DAB1: variants seen among roughly 807,000 people sequenced by gnomAD.
DAB1 encodes DAB adaptor protein 1.
Under a neutral mutation model 64.6 loss-of-function variants are expected in DAB1, and 15 were observed. The observed-to-expected ratio is 0.23, with a 90% CI of 0.16 to 0.36. The LOEUF is 0.36. Ranked by LOEUF, DAB1 falls within the 10% of genes least tolerant of loss-of-function variation. DAB1 has a pLI of 1.00. For synonymous variants in DAB1, 235 were observed against 251.9 expected, an observed-to-expected ratio of 0.93 and a Z score of 0.64; for missense variants, 596 against 706.7, an observed-to-expected ratio of 0.84 and a Z score of 1.78.
rs74074540 is a variant in DAB1 at position 57,855,222 on chromosome 1, C to A, written n.88-28767G>T. ...GTGAGGTAGTGGTAGCAAGAAGTAA[C>A]CAATTCTCAACTCAACACATGATGC... is the stretch of plus-strand genomic sequence containing the variant. On this transcript the variant is annotated intron_variant and non_coding_transcript_variant, in intron 1 of 1. Coordinates refer to the DAB1 transcript ENST00000477280. Among the ~76,000 whole-genome samples the A allele has an allele frequency of 5.6e-3, 856 of 152,190 alleles. 4 individuals are homozygous for A. Among genetic ancestry groups the A allele is most frequent in the African/African-American group, 0.02 (819 of 41,516 alleles).
At chr1:57,715,221 T>C (rs1478284894) in intron 6 of DAB1, among the ~76,000 whole-genome samples, 1 of 152,186 alleles carries the variant, frequency 6.6e-6, no homozygotes, top group Non-Finnish European at 1.5e-5. Flanking sequence ...TTTGGTAGAA[T>C]TCAGCATTGC....
At chr1:57,385,344 G>A (rs1315070764) in intron 1 of DAB1, among the ~76,000 whole-genome samples, 3 of 152,166 alleles carry the variant, frequency 2.0e-5, no homozygotes, top group Admixed American at 2.0e-4. Flanking sequence ...GAACTTCATA[G>A]GCATATGCAT....
chr1:57,912,938 A>C (rs2102011090), intron 5 of DAB1, among the ~76,000 whole-genome samples: 1 of 152,300 alleles, frequency 6.6e-6, no homozygotes, highest in South Asian at 2.1e-4. Context: ...TCAACGAAAT[A>C]AAAGAGGATA....
At chr1:57,726,458 C>CT (rs1406781573) in intron 6 of DAB1, among the ~76,000 whole-genome samples, 2 of 152,010 alleles carry the variant, frequency 1.3e-5, no homozygotes, top group Non-Finnish European at 2.9e-5. Flanking sequence ...TAAACTAGTT[C>CT]TACATGATGG....
intron 3 of DAB1, among the ~76,000 whole-genome samples, chr1:58,385,645 T>A (rs1644426902): frequency 6.6e-6 from 1 of 152,248 alleles, no homozygotes; most frequent in South Asian, 2.1e-4. Context: ...ACTTTCATTA[T>A]CCATTTTATC....
intron 4 of DAB1, among the ~76,000 whole-genome samples, chr1:58,178,549 A>G (rs1197137177): frequency 6.6e-6 from 1 of 152,228 alleles, no homozygotes; most frequent in African/African-American, 2.4e-5. Flanking sequence ...CCAGTGCTCA[A>G]CAAAGGATGG....
intron 1 of DAB1, chr1:58,536,872 G>T: frequency 1.7e-6 from 1 of 585,834 alleles, no homozygotes; most frequent in East Asian, 2.8e-5. Context: ...TGAATACATC[G>T]CTTTTCCAAT....
chr1:58,275,158 G>A (rs982319879), intron 4 of DAB1, among the ~76,000 whole-genome samples: 2 of 152,134 alleles, frequency 1.3e-5, no homozygotes, highest in African/African-American at 4.8e-5. Context: ...ACCTTTATGT[G>A]ATACTCTATG....
At chr1:57,841,911 G>C (rs976146051) in intron 1 of DAB1, among the ~76,000 whole-genome samples, 1 of 152,208 alleles carries the variant, frequency 6.6e-6, no homozygotes, top group Non-Finnish European at 1.5e-5. Flanking sequence ...TCTGCAGGCA[G>C]CTTGAATTTC....
chr1:57,881,898 CA>C (rs1274335607), intron 1 of DAB1, among the ~76,000 whole-genome samples: 1 of 152,146 alleles, frequency 6.6e-6, no homozygotes, highest in Non-Finnish European at 1.5e-5. Context: ...CTCAATGATG[CA>C]TGTGATAAAT....
intron 4 of DAB1, among the ~76,000 whole-genome samples, chr1:58,319,579 A>T (rs1380643218): frequency 6.6e-6 from 1 of 152,132 alleles, no homozygotes; most frequent in East Asian, 1.9e-4. Flanking sequence ...TTCTCTTTAT[A>T]TTACCTTGAG....
At chr1:57,484,084 T>C (rs1247653946) in intron 7 of DAB1, among the ~76,000 whole-genome samples, 3 of 152,064 alleles carry the variant, frequency 2.0e-5, no homozygotes, top group African/African-American at 7.2e-5. Context: ...TGAAAGTGCA[T>C]GCTATACAAA....
At chr1:58,532,076 C>T (rs1265710391) in intron 1 of DAB1, among the ~76,000 whole-genome samples, 1 of 151,990 alleles carries the variant, frequency 6.6e-6, no homozygotes, top group African/African-American at 2.4e-5. Flanking sequence ...AAGAGAAAGC[C>T]CTTGTTATTA....
At chr1:57,679,288 A>T (rs1480816228) in intron 6 of DAB1, among the ~76,000 whole-genome samples, 1 of 152,174 alleles carries the variant, frequency 6.6e-6, no homozygotes, top group Non-Finnish European at 1.5e-5. Context: ...AGATAAAGAA[A>T]CTAAGATTCC....
At chr1:57,681,239 A>G (rs1180990731) in intron 6 of DAB1, among the ~76,000 whole-genome samples, 1 of 152,158 alleles carries the variant, frequency 6.6e-6, no homozygotes, top group Non-Finnish European at 1.5e-5. Flanking sequence ...GTCACATGGT[A>G]TTCTCCCCTT....
chr1:57,334,416 C>G (rs1489713743), intron 1 of DAB1, among the ~76,000 whole-genome samples: 1 of 152,198 alleles, frequency 6.6e-6, no homozygotes, highest in Non-Finnish European at 1.5e-5. Context: ...AAAAATGAAG[C>G]TAGTAACTCT....
At chr1:58,397,119 G>A (rs1644530305) in intron 3 of DAB1, among the ~76,000 whole-genome samples, 1 of 151,908 alleles carries the variant, frequency 6.6e-6, no homozygotes, top group Admixed American at 6.6e-5. Flanking sequence ...GAGAGAAGTA[G>A]GTAAAGGGAG....
intron 1 of DAB1, among the ~76,000 whole-genome samples, chr1:57,324,284 G>T (rs908055983): frequency 6.6e-6 from 1 of 152,180 alleles, no homozygotes; most frequent in African/African-American, 2.4e-5. Context: ...AACTCAATTT[G>T]CAGTTAATCG....
chr1:57,565,491 G>C (rs1645107155), intron 7 of DAB1, among the ~76,000 whole-genome samples: 1 of 152,138 alleles, frequency 6.6e-6, no homozygotes, highest in African/African-American at 2.4e-5. Flanking sequence ...ATTGGATAAA[G>C]AGTCAAGACC....
Sources: gnomAD v4.1 joint callset for allele counts (sites outside exome capture counted in the v4.1 genomes callset) on GRCh38, gnomAD v4.1.1 for gene constraint, MANE v1.5 for transcripts, NCBI Gene and HGNC (gene_info 2026-07-23, HGNC 2026-07-21) for gene names.